Variants in ETF1 observed in about 807,000 individuals in gnomAD.
The protein encoded by ETF1 is eukaryotic peptide chain release factor subunit 1.
A neutral mutation model predicts 55.1 loss-of-function variants in ETF1; 4 were observed. The ratio of observed to expected loss-of-function variants is 0.07; its 90% CI spans 0.04 to 0.17. The LOEUF (loss-of-function observed/expected upper bound fraction) is 0.17. Among genes scored for constraint, ETF1 ranks in the 10% least tolerant of loss-of-function variants. ETF1 has a pLI of 1.00. For missense variants in ETF1, 142 were observed against 523.6 expected (o/e 0.27, Z 7.11); for synonymous variants, 157 against 182.3 (o/e 0.86, Z 1.12).
chr5:138,529,559 A>G (rs1305208538), intron 2 of ETF1: 2 of 982,570 alleles, frequency 2.0e-6, no homozygotes, highest in African/African-American at 3.5e-5. Context: ...ACATACAGCA[A>G]TGTATCCCTC....
chr5:138,524,909 T>C (rs922814669), intron 2 of ETF1, among the ~76,000 whole-genome samples: 1 of 151,728 alleles, frequency 6.6e-6, no homozygotes, highest in African/African-American at 2.4e-5. Flanking sequence ...TTCCTTCCTT[T>C]CCCTTTTTTT....
At chr5:138,511,826 C>G (rs1266725165) in intron 6 of ETF1, 1 of 983,654 alleles carries the variant, frequency 1.0e-6, no homozygotes, top group African/African-American at 1.8e-5. Context: ...TACTATAGGA[C>G]AACTCATTAA....
intron 2 of ETF1, among the ~76,000 whole-genome samples, chr5:138,531,196 G>A (rs1765685483): frequency 6.6e-6 from 1 of 152,136 alleles, no homozygotes; most frequent in South Asian, 2.1e-4. Context: ...TAAGACCTGA[G>A]AGCTACAGTC....
chr5:138,541,455 A>G, intron 2 of ETF1: 1 of 1,207,130 alleles, frequency 8.3e-7, no homozygotes, highest in South Asian at 1.3e-5. Context: ...CCAAACTTTT[A>G]GAAGCCTCAT....
At chr5:138,517,882 G>C in intron 3 of ETF1, 182 bp from the exon 4 acceptor site, 1 of 985,218 alleles carries the variant, frequency 1.0e-6, no homozygotes, top group Non-Finnish European at 1.2e-6. Context: ...CTTCTTCTGA[G>C]ACGTTTCAGT....
At chr5:138,511,409 C>G in intron 7 of ETF1, 66 bp downstream of exon 7, 6 of 1,545,194 alleles carry the variant, frequency 3.9e-6, no homozygotes, top group Non-Finnish European at 5.2e-6. Flanking sequence ...CACATACACA[C>G]ACACACACAC....
At chr5:138,542,701 C>G in intron 2 of ETF1, 132 bp downstream of exon 2, 1 of 1,504,320 alleles carries the variant, frequency 6.6e-7, no homozygotes, top group South Asian at 1.3e-5. Context: ...TCAGGGGCTA[C>G]TACCCAGAGA....
At chr5:138,518,652 A>ATTTG (rs879331268) in intron 3 of ETF1, 40 bp downstream of exon 3, 1 of 1,578,940 alleles carries the variant, frequency 6.3e-7, no homozygotes, top group Non-Finnish European at 8.7e-7. Flanking sequence ...AAACATAACC[A>ATTTG]AAATGTGTAG....
intron 3 of ETF1, among the ~76,000 whole-genome samples, chr5:138,518,271 C>T (rs1242244660): frequency 6.6e-6 from 1 of 151,312 alleles, no homozygotes; most frequent in African/African-American, 2.4e-5. Flanking sequence ...TGTGCAGCAG[C>T]GAGATCGTGG....
intron 2 of ETF1, among the ~76,000 whole-genome samples, chr5:138,521,041 T>C (rs570694144): frequency 6.6e-6 from 1 of 152,228 alleles, no homozygotes; most frequent in Admixed American, 6.5e-5. Flanking sequence ...CCAATGTTCA[T>C]AGCAGCATTA....
intron 2 of ETF1, among the ~76,000 whole-genome samples, chr5:138,536,426 C>T (rs1288133389): frequency 1.3e-5 from 2 of 152,052 alleles, no homozygotes; most frequent in East Asian, 3.9e-4. Context: ...AAGATAAAAC[C>T]GTATCAGAGG....
intron 2 of ETF1, among the ~76,000 whole-genome samples, chr5:138,537,446 T>A (rs1047574318): frequency 1.3e-5 from 2 of 152,210 alleles, no homozygotes; most frequent in Non-Finnish European, 2.9e-5. Flanking sequence ...AAGATTAATG[T>A]CCATAGTTAC....
chr5:138,508,455 AAG>A, intron 10 of ETF1, 68 bp from the exon 11 acceptor site: 1 of 1,598,696 alleles, frequency 6.3e-7, no homozygotes, highest in South Asian at 1.1e-5. Flanking sequence ...GGTGGCTGGT[AAG>A]GGAATAAGGG....
At chr5:138,515,186 A>C (rs1764968796) in intron 4 of ETF1, among the ~76,000 whole-genome samples, 1 of 152,154 alleles carries the variant, frequency 6.6e-6, no homozygotes, top group Admixed American at 6.6e-5. Flanking sequence ...TGGCACTTTG[A>C]GAGGCCAAGG....
Position 138,518,681 on chromosome 5 carries a change from C to G in ETF1, c.262+11G>C. ...TGTGTAGAGAAGGAAAAGGAGCAAA[C>G]TCCAGATTACCTTTGTTATAAAGTT... On this transcript the variant is annotated intron_variant, in intron 3 of 10. Transcript: ENST00000360541. 6.2e-7 allele frequency: 1 copy of G among 1,607,332 alleles called. No individual in the cohort carries two copies. The highest frequency in any genetic ancestry group is 2.2e-5 in the East Asian group (1 of 44,658).
At chr5:138,541,815 G>A (rs976643987) in intron 2 of ETF1, 4 of 447,624 alleles carry the variant, frequency 8.9e-6, no homozygotes, top group African/African-American at 4.0e-5. Flanking sequence ...ACTGGGAAAG[G>A]AACAAAATAA....
chr5:138,509,088 C>T lies in ETF1; in HGVS notation c.1084-272G>A, dbSNP rs559991888. Reference sequence around the variant, plus strand: ...CTCAGTGGGTATTCAGCTTATGATTCCTACTGTTGACTCTAGAAGTCAGGC... The same window carrying T: ...CTCAGTGGGTATTCAGCTTATGATTTCTACTGTTGACTCTAGAAGTCAGGC... On this transcript the variant is annotated intron_variant, in intron 9 of 10. Coordinates refer to ENST00000360541, the MANE Select transcript of ETF1 (RefSeq NM_004730.4). The T allele has an allele frequency of 9.1e-6, 9 of 985,288 alleles. No homozygotes were observed. The African/African-American group carries it at 1.6e-4, about 17-fold the overall frequency. The allele number at this position is 985,288 out of a possible 1,614,324, so 61.0% of individuals were successfully genotyped here. A position where few individuals can be genotyped will look rare whatever the true frequency, so the allele number is the denominator to read the frequency against.
intron 2 of ETF1, among the ~76,000 whole-genome samples, chr5:138,526,101 AG>A (rs898763672): frequency 6.6e-6 from 1 of 152,186 alleles, no homozygotes; most frequent in African/African-American, 2.4e-5. Context: ...TTAGACTGCC[AG>A]AACCATCTAA....
chr5:138,510,819 G>A, intron 8 of ETF1, 190 bp from the exon 9 acceptor site: 6 of 693,174 alleles, frequency 8.7e-6, no homozygotes, highest in Non-Finnish European at 1.1e-5. Context: ...CATCAGAGAT[G>A]TTCAAGATAT....
Sources: gnomAD v4.1 joint callset for allele counts (sites outside exome capture counted in the v4.1 genomes callset) on GRCh38, gnomAD v4.1.1 for gene constraint, MANE v1.5 for transcripts, NCBI Gene and HGNC (gene_info 2026-07-23, HGNC 2026-07-21) for gene names.